UPP1: variants seen among roughly 807,000 people sequenced by gnomAD.
The protein encoded by UPP1 is uridine phosphorylase 1.
In UPP1, 25 loss-of-function variants were observed where a neutral mutation model predicts 29.6. That is an observed-to-expected ratio of 0.85 (90% confidence interval 0.62 to 1.18). The LOEUF (loss-of-function observed/expected upper bound fraction) is 1.18, where lower values mean the gene tolerates loss of function less well. Among genes scored for constraint, UPP1 ranks in the 50% most tolerant of loss-of-function variants. The pLI is 0.00. For missense variants in UPP1, 368 were observed against 410.4 expected (o/e 0.90, Z 0.89); for synonymous variants, 165 against 159.8 (o/e 1.03, Z -0.25).
At chr7:48,107,190 C>T (rs1792802271) in intron 7 of UPP1, 108 bp downstream of exon 7, 4 of 1,447,390 alleles carry the variant, frequency 2.8e-6, no homozygotes, top group Non-Finnish European at 3.8e-6. Flanking sequence ...AGGCTGCTGT[C>T]TCAGTTACAC....
upstream of UPP1, chr7:48,089,202 C>T (rs1264444535): frequency 2.0e-5 from 3 of 152,316 alleles, no homozygotes; most frequent in African/African-American, 7.2e-5. Context: ...TAGCGGTAAC[C>T]CCCGGGCAGG....
At chr7:48,092,436 A>G (rs1791889612) in intron 2 of UPP1, among the ~76,000 whole-genome samples, 1 of 152,008 alleles carries the variant, frequency 6.6e-6, no homozygotes, top group Admixed American at 6.6e-5. Context: ...CTCCTTCCAC[A>G]TGTGTAGGGA....
intron 3 of UPP1, among the ~76,000 whole-genome samples, chr7:48,096,733 C>G (rs1257880903): frequency 6.6e-6 from 1 of 152,026 alleles, no homozygotes; most frequent in African/African-American, 2.4e-5. Flanking sequence ...AGGGTTTCGC[C>G]CTTTTACCTA....
chr7:48,094,642 T>TA, intron 2 of UPP1, 121 bp from the exon 3 acceptor site: 1 of 768,956 alleles, frequency 1.3e-6, no homozygotes, highest in Middle Eastern at 3.2e-4. Context: ...TTCACACACT[T>TA]ACATCAGGTG....
intron 2 of UPP1, among the ~76,000 whole-genome samples, chr7:48,093,481 C>T (rs986049081): frequency 6.6e-6 from 1 of 152,214 alleles, no homozygotes; most frequent in Non-Finnish European, 1.5e-5. Flanking sequence ...AGCATGAATC[C>T]TGCCCACTCT....
Position 48,099,695 on chromosome 7 carries a change from C to G in UPP1, c.70C>G (p.Pro24Ala). ...TGATTGCCCCGTCAGACTTTTAAAT[C>G]CAAACATAGCAAAAATGAAAGAAGA... ...HNDCPVRLLN[P>A]NIAKMKEDIL... is the part of the protein sequence containing the mutation. The change falls in exon 4 of 9, where the codon CCA (proline) becomes GCA (alanine). Residue 24 changes from proline (P) to alanine (A), a missense_variant. Transcript: ENST00000395564. 1 of 1,613,256 alleles carries G rather than the reference C, an allele frequency of 6.2e-7. No homozygotes were observed. Among genetic ancestry groups the G allele is most frequent in the Non-Finnish European group, 8.5e-7 (1 of 1,179,306 alleles).
intron 2 of UPP1, among the ~76,000 whole-genome samples, chr7:48,093,510 T>C (rs1562648417): frequency 6.6e-6 from 1 of 152,100 alleles, no homozygotes. Flanking sequence ...TTCCAGGGAG[T>C]TGGGGGCCTG....
chr7:48,094,751 T>A lies in UPP1; in HGVS notation c.-21-12T>A. ...AGTGGATTCACTCCATTCTGTGATT[T>A]TTTTTCCTTAGGGTCCTGCCTCAGT... On this transcript the variant is annotated splice_polypyrimidine_tract_variant and intron_variant, in intron 2 of 8. Transcript: ENST00000395564. 6.2e-7 allele frequency: 1 copy of A among 1,614,094 alleles called. No individual in the cohort carries two copies.
chr7:48,101,994 C>A lies in UPP1; in HGVS notation c.321+12C>A, dbSNP rs1390393613. The A allele has an allele frequency of 6.2e-7, 1 of 1,611,470 alleles. No individual in the cohort carries two copies. ...TGCTGTCTGTCAGTGTGAGTACCTG[C>A]CTTCCCTTGTGCTCAGTCTCTAGGC... On this transcript the variant is annotated intron_variant, in intron 5 of 8. Coordinates refer to ENST00000395564, the MANE Select transcript of UPP1 (RefSeq NM_003364.4).
chr7:48,093,185 G>A (rs528640700), intron 2 of UPP1, among the ~76,000 whole-genome samples: 1 of 152,314 alleles, frequency 6.6e-6, no homozygotes, highest in South Asian at 2.1e-4. Context: ...GGCAGCAATT[G>A]GAGGGAACAT....
intron 2 of UPP1, among the ~76,000 whole-genome samples, chr7:48,092,777 ACTACAAC>A (rs2128808422): frequency 6.7e-6 from 1 of 149,400 alleles, no homozygotes; most frequent in South Asian, 2.1e-4. Context: ...ATCTCGACTC[ACTACAAC>A]CTTCATCTCC....
Position 48,108,240 on chromosome 7 carries a change from C to G in UPP1, c.816C>G (p.Leu272=). Residue 272 remains leucine, a synonymous_variant, in exon 9 of 9, where the codon CTC becomes CTG. Transcript: ENST00000395564. ...GLQAAVVCVT[L]LNRLEGDQIS... ...CAGCGGCCGTGGTGTGTGTCACCCT[C>G]CTGAACCGCCTGGAAGGGGACCAGA... 1 of 1,613,586 alleles carries G rather than the reference C, an allele frequency of 6.2e-7. No homozygotes were observed. The highest frequency in any genetic ancestry group is 8.5e-7 in the Non-Finnish European group (1 of 1,179,984).
rs192917749 is a variant in UPP1 at position 48,100,671 on chromosome 7, C to T, written c.162+884C>T. Among the ~76,000 whole-genome samples, 530 of 152,248 alleles carry T rather than the reference C, an allele frequency of 3.5e-3. 3 individuals carry two copies. Among genetic ancestry groups the T allele is most frequent in the African/African-American group, 0.012 (492 of 41,558 alleles). ...AATTAAAAATCAAAATATACCAGGA[C>T]GCTAGAATCCAGTGCTGCTACATGG... On this transcript the variant is annotated intron_variant, in intron 4 of 8. Transcript: ENST00000395564.
At chr7:48,093,070 A>T (rs1161146692) in intron 2 of UPP1, among the ~76,000 whole-genome samples, 2 of 152,250 alleles carry the variant, frequency 1.3e-5, no homozygotes, top group East Asian at 3.9e-4. Flanking sequence ...ACCACACCTT[A>T]TTCCCCTTCT....
chr7:48,106,770 GCTTCTTTCTTCCATATGCTCTGC>G, intron 6 of UPP1, 80 bp from the exon 7 acceptor site: 1 of 1,028,146 alleles, frequency 9.7e-7, no homozygotes. Context: ...GGGTGGATCT[GCTTCTTTCTTCCATATGCTCTGC>G]TGTGTGCTCC....
intron 3 of UPP1, among the ~76,000 whole-genome samples, chr7:48,098,987 G>C (rs533429612): frequency 6.6e-6 from 1 of 152,164 alleles, no homozygotes; most frequent in Non-Finnish European, 1.5e-5. Flanking sequence ...ACATGTCTAC[G>C]GTGGACTTGA....
intron 5 of UPP1, 35 bp from the exon 6 acceptor site, chr7:48,103,262 C>T (rs1254279963): frequency 6.5e-7 from 1 of 1,545,630 alleles, no homozygotes; most frequent in Admixed American, 1.7e-5. Context: ...AAGTCACAAC[C>T]TTGGCTTAAC....
At position 48,107,299 on chromosome 7, in the gene UPP1, G is replaced by A. The variant is rs766116311; in HGVS notation, c.647-62G>A. 311 of 1,548,558 alleles carry A rather than the reference G, an allele frequency of 2.0e-4. 1 individual carries two copies. Among genetic ancestry groups the A allele is most frequent in the Admixed American group, 6.3e-4 (35 of 55,298 alleles). ...CTGTGTCCTTCTGGGCATCAGTGGC[G>A]CTGATGTGTTGTAGGAGCTTCTCAC... is the stretch of plus-strand genomic sequence containing the variant. On this transcript the variant is annotated intron_variant, in intron 7 of 8. Coordinates refer to ENST00000395564, the MANE Select transcript of UPP1 (RefSeq NM_003364.4).
At position 48,108,477 on chromosome 7, in the gene UPP1, C is replaced by T. The variant is rs914932907; in HGVS notation, c.*120C>T. The T allele has an allele frequency of 3.3e-6, 4 of 1,204,430 alleles. No individual in the cohort carries two copies. Among genetic ancestry groups the T allele is most frequent in the Non-Finnish European group, 4.5e-6 (4 of 895,704 alleles). 74.6% of individuals were successfully genotyped at this position (1,204,430 alleles called of 1,614,324 possible). On this transcript the variant is annotated 3_prime_UTR_variant, in exon 9 of 9. Transcript: ENST00000395564. The stretch of plus-strand genomic sequence containing the variant: ...CACAAGAATCTAGAAAATCAGATCG[C>T]GATTAAGAGACAGAGAATCTTGGAT...
Sources: allele counts gnomAD v4.1 joint callset (sites outside exome capture counted in the v4.1 genomes callset), GRCh38; gene constraint gnomAD v4.1.1; transcripts MANE v1.5; gene names NCBI Gene and HGNC (gene_info 2026-07-23, HGNC 2026-07-21).